Variants in NAV3 observed in about 807,000 individuals in gnomAD.
NAV3 encodes pore membrane and/or filament interacting like protein 1.
NAV3 carries 87 observed loss-of-function variants against 244.7 expected under a neutral mutation model. The observed-to-expected ratio is 0.36, with a 90% confidence interval of 0.30 to 0.42. The LOEUF is 0.42. Among genes scored for constraint, NAV3 ranks in the 20% least tolerant of loss-of-function variants. The pLI is 1.00. For missense variants in NAV3, 2,663 were observed against 2,893.3 expected, an observed-to-expected ratio of 0.92 and a Z score of 1.83; for synonymous variants, 1,126 against 1,042.2, an observed-to-expected ratio of 1.08 and a Z score of -1.55.
chr12:77,969,175 A>AGT (rs1200565962), intron 5 of NAV3, among the ~76,000 whole-genome samples: 1 of 145,150 alleles, frequency 6.9e-6, no homozygotes, highest in African/African-American at 2.6e-5. Flanking sequence ...TGTGTGCATG[A>AGT]GTGTGTGTGT....
intron 2 of NAV3, among the ~76,000 whole-genome samples, chr12:77,736,443 A>G (rs1877337318): frequency 6.6e-6 from 1 of 152,128 alleles, no homozygotes; most frequent in Non-Finnish European, 1.5e-5. Flanking sequence ...GTGGTAACTT[A>G]TGTGGTTGTA....
chr12:77,857,417 T>G (rs68063282), intron 1 of NAV3, among the ~76,000 whole-genome samples: 68,302 of 151,610 alleles, frequency 0.45, 15,838 homozygotes, highest in Non-Finnish European at 0.51. Flanking sequence ...ACGGTTGCAT[T>G]GAATAAGAAG....
At chr12:78,071,612 G>A (rs1952773238) in intron 12 of NAV3, among the ~76,000 whole-genome samples, 1 of 152,074 alleles carries the variant, frequency 6.6e-6, no homozygotes, top group Non-Finnish European at 1.5e-5. Context: ...TGGTGTTTCA[G>A]ACATGACGTC....
At chr12:77,848,518 C>G (rs1378647645) in intron 1 of NAV3, among the ~76,000 whole-genome samples, 1 of 152,182 alleles carries the variant, frequency 6.6e-6, no homozygotes, top group African/African-American at 2.4e-5. Flanking sequence ...TATGAGAAGT[C>G]CTTGCTCCCT....
At position 77,720,597 on chromosome 12, in the gene NAV3, C is replaced by A. The variant is rs1168353742; in HGVS notation, c.72+148331C>A. On this transcript the variant is annotated intron_variant, in intron 2 of 8. Transcript: ENST00000550042. ...AGCACTCCAAAATAGAATAACCAGA[C>A]CCTTGGGCAGCATCCTCAAAAACCA... Among the ~76,000 whole-genome samples, 3 of 152,240 alleles carry A rather than the reference C, an allele frequency of 2.0e-5. No individual in the cohort carries two copies. In the East Asian group the frequency reaches 5.8e-4, roughly 29 times the overall value.
intron 2 of NAV3, among the ~76,000 whole-genome samples, chr12:77,797,839 A>C (rs1003873872): frequency 4.2e-5 from 6 of 142,532 alleles, no homozygotes; most frequent in Admixed American, 2.8e-4. Context: ...GCTCTGTCTC[A>C]AAAAAAAAAA....
intron 2 of NAV3, among the ~76,000 whole-genome samples, chr12:77,704,090 T>C (rs1350394899): frequency 6.6e-6 from 1 of 152,230 alleles, no homozygotes; most frequent in African/African-American, 2.4e-5. Flanking sequence ...TAAACATATA[T>C]TGAGTAAACA....
intron 22 of NAV3, 111 bp from the exon 23 acceptor site, chr12:78,159,092 T>C: frequency 1.4e-6 from 1 of 726,212 alleles, no homozygotes; most frequent in Non-Finnish European, 2.3e-6. Flanking sequence ...ATAGTCATAG[T>C]ATTTAAAGAG....
intron 9 of NAV3, among the ~76,000 whole-genome samples, chr12:78,025,615 A>G (rs1877913954): frequency 6.6e-6 from 1 of 150,792 alleles, no homozygotes; most frequent in African/African-American, 2.4e-5. Context: ...AAAAAAAAAA[A>G]AAAAAAAAGA....
intron 18 of NAV3, among the ~76,000 whole-genome samples, chr12:78,136,976 C>G (rs1375286): frequency 0.28 from 42,712 of 151,754 alleles, 6,252 homozygotes; most frequent in East Asian, 0.45. Flanking sequence ...TGTAAGGCTT[C>G]CCATAAACGT....
At chr12:78,140,195 CA>C in intron 19 of NAV3, 86 bp from the exon 20 acceptor site, 1 of 1,067,200 alleles carries the variant, frequency 9.4e-7, no homozygotes, top group Non-Finnish European at 1.4e-6. Context: ...TTTCCCTAAC[CA>C]CCCGTTCTTT....
At chr12:77,826,494 T>G (rs1404983373), upstream of NAV3, among the ~76,000 whole-genome samples, 1 of 151,630 alleles carries the variant, frequency 6.6e-6, no homozygotes, top group East Asian at 2.0e-4. Context: ...TCTGTCCCCC[T>G]CCCCCCAAAA....
Position 78,119,336 on chromosome 12 carries a change from A to G in NAV3, c.3140A>G (p.Asp1047Gly), listed in dbSNP as rs2138604207. The change falls in exon 15 of 40, where the codon GAT becomes GGT. Residue 1047 changes from aspartate (D) to glycine (G), a missense_variant. Coordinates refer to ENST00000397909, the MANE Select transcript of NAV3 (RefSeq NM_001024383.2). ...TCAGATGCAGGAAAAAGCAGTGGAG[A>G]TGAAGGGAAAAAGCCCCCCTCAGGC... The part of the protein sequence containing the change: ...SPSDAGKSSG[D>G]EGKKPPSGIG... The G allele has an allele frequency of 6.2e-7, 1 of 1,614,188 alleles. No homozygotes were observed. The highest frequency in any genetic ancestry group is 8.5e-7 in the Non-Finnish European group (1 of 1,180,036).
chr12:77,610,186 G>A (rs1472023472), intron 2 of NAV3, among the ~76,000 whole-genome samples: 1 of 151,978 alleles, frequency 6.6e-6, no homozygotes, highest in Non-Finnish European at 1.5e-5. Flanking sequence ...TGAACTATTG[G>A]TTTCTGAGAT....
At chr12:78,160,663 A>G (rs1957504380) in intron 23 of NAV3, among the ~76,000 whole-genome samples, 1 of 152,102 alleles carries the variant, frequency 6.6e-6, no homozygotes, top group Non-Finnish European at 1.5e-5. Context: ...CAGAATGAAT[A>G]GTTCAATGAA....
intron 2 of NAV3, among the ~76,000 whole-genome samples, chr12:77,679,068 T>C (rs1050326472): frequency 6.6e-6 from 1 of 152,236 alleles, no homozygotes; most frequent in Non-Finnish European, 1.5e-5. Context: ...CTGTGTCTAC[T>C]TTAGGCATAG....
intron 12 of NAV3, among the ~76,000 whole-genome samples, chr12:78,091,343 C>T (rs1425055328): frequency 1.3e-5 from 2 of 152,140 alleles, no homozygotes; most frequent in African/African-American, 2.4e-5. Context: ...TGCTAAAAGG[C>T]ATAACTCTTT....
chr12:77,837,778 T>C (rs1874926629), intron 1 of NAV3, among the ~76,000 whole-genome samples: 1 of 152,212 alleles, frequency 6.6e-6, no homozygotes, highest in Non-Finnish European at 1.5e-5. Flanking sequence ...TGGTGAATTG[T>C]AAATCAATCA....
At chr12:77,704,413 C>T (rs894253842) in intron 2 of NAV3, among the ~76,000 whole-genome samples, 7 of 152,180 alleles carry the variant, frequency 4.6e-5, no homozygotes, top group East Asian at 1.9e-4. Context: ...TGAAAGCTGC[C>T]GTATCCCAAA....
Sources: allele counts gnomAD v4.1 joint callset (sites outside exome capture counted in the v4.1 genomes callset), GRCh38; gene constraint gnomAD v4.1.1; transcripts MANE v1.5; gene names NCBI Gene and HGNC (gene_info 2026-07-23, HGNC 2026-07-21).